WWC1: variants seen among roughly 807,000 people sequenced by gnomAD.
WWC1 encodes protein KIBRA.
In WWC1, 55 loss-of-function variants were observed where a neutral mutation model predicts 138.4. The observed-to-expected ratio is 0.40, with a 90% CI of 0.32 to 0.50. The LOEUF (loss-of-function observed/expected upper bound fraction) is 0.50, where lower values mean the gene tolerates loss of function less well. WWC1 is among the 20% of genes least tolerant of loss of function. The pLI is 0.72. For synonymous variants in WWC1, 524 were observed against 564.9 expected (o/e 0.93, Z 1.03); for missense variants, 1,226 against 1,420.4 (o/e 0.86, Z 2.20).
intron 15 of WWC1, among the ~76,000 whole-genome samples, chr5:168,431,753 A>G (rs773050609): frequency 1.3e-5 from 2 of 152,138 alleles, no homozygotes; most frequent in African/African-American, 2.4e-5. Flanking sequence ...CAGCTTTACT[A>G]TACAGCATGA....
intron 2 of WWC1, among the ~76,000 whole-genome samples, chr5:168,379,354 C>A (rs1331033901): frequency 6.6e-6 from 1 of 152,064 alleles, no homozygotes; most frequent in African/African-American, 2.4e-5. Flanking sequence ...TGTCGGAGGA[C>A]CCCCTCAGGG....
chr5:168,441,982 G>A, intron 16 of WWC1, 148 bp downstream of exon 16: 1 of 1,214,698 alleles, frequency 8.2e-7, no homozygotes, highest in Non-Finnish European at 1.1e-6. Flanking sequence ...GGGAAGGAGA[G>A]ATCTCCACTA....
chr5:168,403,376 T>G lies in WWC1; in HGVS notation c.591-2822T>G, dbSNP rs1582172339. ...CCTCCCAAAGTGCTGGGATTACAGG[T>G]GTGAGCCACCGTGCCCAGCCAGCTC... On this transcript the variant is annotated intron_variant, in intron 5 of 22. Transcript: ENST00000265293. Among the ~76,000 whole-genome samples the G allele has an allele frequency of 2.0e-5, 3 of 152,220 alleles. No homozygotes were observed. In the East Asian group the frequency reaches 5.8e-4, roughly 29 times the overall value.
chr5:168,340,414 C>T (rs1363654916), intron 1 of WWC1, among the ~76,000 whole-genome samples: 4 of 152,190 alleles, frequency 2.6e-5, no homozygotes, highest in Admixed American at 1.3e-4. Context: ...GTGCAACCAT[C>T]ACCACAATCA....
chr5:168,420,597 AC>A (rs1781016040), intron 9 of WWC1, among the ~76,000 whole-genome samples: 1 of 151,610 alleles, frequency 6.6e-6, no homozygotes, highest in Non-Finnish European at 1.5e-5. Context: ...AGAGCAGCCC[AC>A]CTGTTCAGTA....
intron 15 of WWC1, among the ~76,000 whole-genome samples, chr5:168,432,324 C>A: frequency 6.6e-6 from 1 of 152,194 alleles, no homozygotes; most frequent in Non-Finnish European, 1.5e-5. Context: ...AGCCTCCTCC[C>A]TGAAACTGAC....
At chr5:168,366,232 A>T (rs1776278383) in intron 1 of WWC1, among the ~76,000 whole-genome samples, 8 of 152,194 alleles carry the variant, frequency 5.3e-5, no homozygotes, top group Admixed American at 5.2e-4. Context: ...TGCAGCCAAA[A>T]ACACATCTCT....
intron 1 of WWC1, among the ~76,000 whole-genome samples, chr5:168,325,719 A>G (rs952402782): frequency 6.6e-6 from 1 of 152,152 alleles, no homozygotes; most frequent in Non-Finnish European, 1.5e-5. Flanking sequence ...AGTTTAGTGC[A>G]TTAATTATAT....
chr5:168,464,440 T>C (rs1184008840), intron 20 of WWC1, among the ~76,000 whole-genome samples: 1 of 152,122 alleles, frequency 6.6e-6, no homozygotes, highest in Non-Finnish European at 1.5e-5. Flanking sequence ...GGACTTAACC[T>C]CTGCATGCCT....
intron 1 of WWC1, among the ~76,000 whole-genome samples, chr5:168,357,493 T>TGCGC (rs374080598): frequency 1.1e-3 from 126 of 119,830 alleles, no homozygotes; most frequent in African/African-American, 5.1e-3. Context: ...TGTGTGTGTG[T>TGCGC]GCGCGCGCGC....
At chr5:168,433,001 C>T (rs976238993) in intron 15 of WWC1, among the ~76,000 whole-genome samples, 5 of 152,190 alleles carry the variant, frequency 3.3e-5, no homozygotes, top group Non-Finnish European at 5.9e-5. Context: ...GATCTGCATG[C>T]GCTATAAAAC....
chr5:168,414,478 A>G lies in WWC1; in HGVS notation c.1072A>G (p.Ser358Gly). Reference sequence around the variant, plus strand: ...GCTGCTGAAGGAGATGCGCTTCATCAGCCCCCGCAAGTGGACCCAGGGGGA... The same window carrying G: ...GCTGCTGAAGGAGATGCGCTTCATCGGCCCCCGCAAGTGGACCCAGGGGGA... ...EELLKEMRFI[S>G]PRKWTQGEVE... Residue 358 changes from serine to glycine, a missense_variant, in exon 9 of 23, where the codon AGC (serine) becomes GGC (glycine). Transcript: ENST00000265293. 6.4e-7 allele frequency: 1 copy of G among 1,563,718 alleles called. No homozygotes were observed. The highest frequency in any genetic ancestry group is 1.4e-5 in the African/African-American group (1 of 73,886).
chr5:168,423,174 A>C (rs1781255077), intron 10 of WWC1, among the ~76,000 whole-genome samples: 1 of 143,966 alleles, frequency 6.9e-6, no homozygotes, highest in South Asian at 2.2e-4. Flanking sequence ...AAAAAAAAAC[A>C]CAGTGAGTTG....
intron 1 of WWC1, among the ~76,000 whole-genome samples, chr5:168,363,352 C>T (rs921162497): frequency 3.3e-5 from 5 of 151,710 alleles, no homozygotes; most frequent in African/African-American, 9.7e-5. Context: ...GGGGAAATCC[C>T]GCCTCTACTA....
At chr5:168,452,541 A>G (rs1755926043) in intron 17 of WWC1, among the ~76,000 whole-genome samples, 1 of 152,212 alleles carries the variant, frequency 6.6e-6, no homozygotes. Context: ...TGACACCTTG[A>G]GCATGGATTT....
chr5:168,428,679 T>G, intron 12 of WWC1, 28 bp from the exon 13 acceptor site: 3 of 1,610,314 alleles, frequency 1.9e-6, no homozygotes, highest in Non-Finnish European at 2.5e-6. Flanking sequence ...TAGGGAAGCC[T>G]AACTCCTCCT....
intron 2 of WWC1, among the ~76,000 whole-genome samples, chr5:168,379,342 G>A (rs543749713): frequency 3.3e-5 from 5 of 152,278 alleles, no homozygotes; most frequent in East Asian, 1.9e-4. Context: ...AAGGGGCTGG[G>A]CTGTCGGAGG....
chr5:168,403,133 T>C (rs10475880), intron 5 of WWC1, among the ~76,000 whole-genome samples: 9,083 of 150,948 alleles, frequency 0.06, 331 homozygotes, highest in African/African-American at 0.097. Flanking sequence ...AGTCTTGCCC[T>C]GTCACCCAGG....
At chr5:168,380,776 A>C (rs1432846303) in intron 2 of WWC1, among the ~76,000 whole-genome samples, 1 of 152,238 alleles carries the variant, frequency 6.6e-6, no homozygotes, top group Non-Finnish European at 1.5e-5. Context: ...TCACAAAGAC[A>C]ATGTGATGTA....
Sources: allele counts gnomAD v4.1 joint callset (sites outside exome capture counted in the v4.1 genomes callset), GRCh38; gene constraint gnomAD v4.1.1; transcripts MANE v1.5; gene names NCBI Gene and HGNC (gene_info 2026-07-23, HGNC 2026-07-21).